DDAH1: variants seen among roughly 807,000 people sequenced by gnomAD.
The protein encoded by DDAH1 is N(G),N(G)-dimethylarginine dimethylaminohydrolase 1.
DDAH1 carries 19 observed loss-of-function variants against 28.8 expected under a neutral mutation model. That is an observed-to-expected ratio of 0.66 (90% CI 0.46 to 0.97). DDAH1 has a LOEUF of 0.97. Ranked by LOEUF, DDAH1 falls within the 50% of genes least tolerant of loss-of-function variation. The pLI, the probability that DDAH1 is intolerant of heterozygous loss-of-function variation, is 0.00. For missense variants in DDAH1, 326 were observed against 375.9 expected (o/e 0.87, Z 1.10); for synonymous variants, 153 against 154.4 (o/e 0.99, Z 0.07).
chr1:85,504,408 A>G (rs1656933061), intron 1 of DDAH1, among the ~76,000 whole-genome samples: 1 of 152,192 alleles, frequency 6.6e-6, no homozygotes, highest in African/African-American at 2.4e-5. Context: ...TCTCAACAAT[A>G]GTCTTTGGCT....
At chr1:85,428,682 G>C (rs1653527952) in intron 1 of DDAH1, among the ~76,000 whole-genome samples, 1 of 152,132 alleles carries the variant, frequency 6.6e-6, no homozygotes, top group South Asian at 2.1e-4. Context: ...CTGCAGCAAA[G>C]ACTCAAGAGA....
chr1:85,415,049 C>T (rs575502453), intron 1 of DDAH1, among the ~76,000 whole-genome samples: 18 of 114,662 alleles, frequency 1.6e-4, no homozygotes, highest in Middle Eastern at 8.3e-3. Flanking sequence ...GAGTCTCGCA[C>T]TGTCACCCAG....
chr1:85,526,406 C>A (rs1298387083), intron 1 of DDAH1, among the ~76,000 whole-genome samples: 1 of 152,144 alleles, frequency 6.6e-6, no homozygotes, highest in African/African-American at 2.4e-5. Flanking sequence ...TATAGAGCAC[C>A]TCTAATTTGT....
chr1:85,458,036 C>A (rs892318649), intron 1 of DDAH1, among the ~76,000 whole-genome samples: 44 of 152,176 alleles, frequency 2.9e-4, no homozygotes, highest in Non-Finnish European at 4.6e-4. Context: ...CATATTCAAA[C>A]AGAGGAAAAT....
chr1:85,381,715 T>C (rs966677382), intron 1 of DDAH1, among the ~76,000 whole-genome samples: 1 of 136,560 alleles, frequency 7.3e-6, no homozygotes, highest in Admixed American at 7.4e-5. Flanking sequence ...GATTTGCAGA[T>C]ACTGTTTTTT....
intron 1 of DDAH1, among the ~76,000 whole-genome samples, chr1:85,561,418 G>T (rs1370610442): frequency 6.6e-6 from 1 of 151,866 alleles, no homozygotes; most frequent in Non-Finnish European, 1.5e-5. Context: ...CTATTAGGTT[G>T]GTGCAAAAGT....
upstream of DDAH1, among the ~76,000 whole-genome samples, chr1:85,468,413 C>G (rs1318290761): frequency 6.6e-6 from 1 of 152,016 alleles, no homozygotes; most frequent in East Asian, 1.9e-4. Flanking sequence ...AATGGACTTA[C>G]GATTCCACAT....
At chr1:85,371,097 G>A (rs1047156322) in intron 1 of DDAH1, among the ~76,000 whole-genome samples, 3 of 152,120 alleles carry the variant, frequency 2.0e-5, no homozygotes, top group Admixed American at 1.3e-4. Context: ...TTACTGTTGC[G>A]AAGTTTGGTA....
intron 1 of DDAH1, among the ~76,000 whole-genome samples, chr1:85,577,195 G>A (rs1252797377): frequency 1.3e-5 from 2 of 152,060 alleles, no homozygotes; most frequent in Non-Finnish European, 1.5e-5. Flanking sequence ...CTCGCGGTGC[G>A]GACCCTCTCC....
chr1:85,467,241 C>A (rs144639286), upstream of DDAH1: 1 of 152,234 alleles, frequency 6.6e-6, no homozygotes, highest in Non-Finnish European at 1.5e-5. Flanking sequence ...CATTGAGGCT[C>A]CATCTGTCTC....
upstream of DDAH1, among the ~76,000 whole-genome samples, chr1:85,470,136 G>C (rs1019313045): frequency 1.3e-5 from 2 of 152,280 alleles, no homozygotes; most frequent in Non-Finnish European, 2.9e-5. Flanking sequence ...TGAGATGGGG[G>C]TGTGTATTAG....
At chr1:85,409,791 C>A (rs1360055902) in intron 1 of DDAH1, among the ~76,000 whole-genome samples, 2 of 152,084 alleles carry the variant, frequency 1.3e-5, no homozygotes, top group African/African-American at 4.8e-5. Context: ...AGAAATTGTA[C>A]ATATTAGTTA....
chr1:85,380,816 C>T (rs1180090039), intron 1 of DDAH1, among the ~76,000 whole-genome samples: 2 of 152,126 alleles, frequency 1.3e-5, no homozygotes, highest in African/African-American at 4.8e-5. Context: ...AGGGTGCTAT[C>T]TTAGACTTAT....
intron 1 of DDAH1, among the ~76,000 whole-genome samples, chr1:85,463,634 T>C (rs939297334): frequency 6.6e-6 from 1 of 152,254 alleles, no homozygotes; most frequent in African/African-American, 2.4e-5. Flanking sequence ...TCAGACCATG[T>C]GGCATTCCAT....
At chr1:85,429,610 G>T (rs976422809) in intron 1 of DDAH1, among the ~76,000 whole-genome samples, 3 of 152,204 alleles carry the variant, frequency 2.0e-5, no homozygotes, top group Admixed American at 2.0e-4. Context: ...CACAATGGTT[G>T]AACTAGTTTA....
intron 1 of DDAH1, among the ~76,000 whole-genome samples, chr1:85,432,988 G>A (rs908274217): frequency 2.0e-5 from 3 of 152,124 alleles, no homozygotes; most frequent in Non-Finnish European, 4.4e-5. Flanking sequence ...GATAACTACA[G>A]ATGGGGGAAT....
chr1:85,327,977 AG>A (rs1647517283), intron 4 of DDAH1, among the ~76,000 whole-genome samples: 3 of 152,354 alleles, frequency 2.0e-5, no homozygotes, highest in Admixed American at 2.0e-4. Flanking sequence ...AGAGAACCTC[AG>A]GAGGGCACTG....
At chr1:85,546,017 A>G (rs1475988632) in intron 1 of DDAH1, among the ~76,000 whole-genome samples, 2 of 151,984 alleles carry the variant, frequency 1.3e-5, no homozygotes, top group East Asian at 3.9e-4. Context: ...ATAGTCCCAA[A>G]CTTCTGCGGT....
intron 1 of DDAH1, among the ~76,000 whole-genome samples, chr1:85,528,791 C>T (rs2737813): frequency 0.012 from 1,893 of 152,192 alleles, 18 homozygotes; most frequent in Admixed American, 0.026. Flanking sequence ...CTGACCAATA[C>T]GGTGAAACCC....
Sources: gnomAD v4.1 joint callset for allele counts (sites outside exome capture counted in the v4.1 genomes callset) on GRCh38, gnomAD v4.1.1 for gene constraint, MANE v1.5 for transcripts, NCBI Gene and HGNC (gene_info 2026-07-23, HGNC 2026-07-21) for gene names.